The following STRA6 variants were observed in gnomAD, a reference collection of about 807,000 sequenced individuals.
STRA6 encodes receptor for retinol uptake STRA6.
Under a neutral mutation model 83.6 loss-of-function variants are expected in STRA6, and 48 were observed. The ratio of observed to expected loss-of-function variants is 0.57; its 90% CI spans 0.46 to 0.73. STRA6 has a LOEUF of 0.73. Among genes scored for constraint, STRA6 ranks in the 30% least tolerant of loss-of-function variants. The probability of loss-of-function intolerance (pLI) is 0.00; values close to 1 mark genes in which losing one functional copy is unlikely to be tolerated. For missense variants in STRA6, 760 were observed against 838.8 expected (o/e 0.91, Z 1.16); for synonymous variants, 353 against 362.3 (o/e 0.97, Z 0.29).
chr15:74,191,481 C>T lies in STRA6; in HGVS notation c.731G>A (p.Ser244Asn). 1 of 1,614,122 alleles carries T rather than the reference C, an allele frequency of 6.2e-7. No homozygotes were observed. Among genetic ancestry groups the T allele is most frequent in the Non-Finnish European group, 8.5e-7 (1 of 1,179,986 alleles). The change falls in exon 9 of 19, where the codon AGC becomes AAC. Residue 244 changes from serine to asparagine, a missense_variant. By Grantham distance (46) the Ser-to-Asn change is conservative. Transcript: ENST00000395105. Reference protein sequence around the residue: ...RTGAGSKGLQSSYSEEYLRNL... With the variant: ...RTGAGSKGLQNSYSEEYLRNL... ...CCTCAGATATTCCTCAGAGTAGCTGCTCTGCAGCCCCTGTGGAGACAGACA... is the reference window on the plus strand; with the variant it reads ...CCTCAGATATTCCTCAGAGTAGCTGTTCTGCAGCCCCTGTGGAGACAGACA...
upstream of STRA6, among the ~76,000 whole-genome samples, chr15:74,205,317 G>C (rs754490962): frequency 3.3e-5 from 5 of 152,206 alleles, no homozygotes; most frequent in Non-Finnish European, 7.3e-5. Context: ...AGTTCTGCAG[G>C]CTGTGCAGGA....
intron 7 of STRA6, chr15:74,194,620 C>T: frequency 1.6e-6 from 1 of 608,974 alleles, no homozygotes; most frequent in Non-Finnish European, 2.4e-6. Context: ...GTCATGTCTG[C>T]CCTTCTGAAG....
Position 74,185,060 on chromosome 15 carries a change from T to A in STRA6, c.1091-5A>T. 6.2e-7 allele frequency: 1 copy of A among 1,613,798 alleles called. No individual in the cohort carries two copies. The highest frequency in any genetic ancestry group is 8.5e-7 in the Non-Finnish European group (1 of 1,179,874). The stretch of plus-strand genomic sequence containing the variant: ...CCAAGGCTGAGATGTAGCACACTGG[T>A]GGGCAGAGAATGAGCAAAGTGAGAG... On this transcript the variant is annotated splice_polypyrimidine_tract_variant and splice_region_variant and intron_variant, in intron 12 of 18. Coordinates refer to ENST00000395105, the MANE Select transcript of STRA6 (RefSeq NM_022369.4).
rs749617680 is a variant in STRA6, at chr15:74,196,095, A to C, written c.319T>G (p.Phe107Val). 5 of 1,613,950 alleles carry C rather than the reference A, an allele frequency of 3.1e-6. No individual in the cohort carries two copies. The African/African-American group carries it at 6.7e-5, about 22-fold the overall frequency. The change falls in exon 5 of 19, where the codon TTC becomes GTC. Residue 107 changes from phenylalanine to valine, a missense_variant. Phe to Val is a conservative substitution (Grantham distance 50). Transcript: ENST00000395105. ...CACAGGGAGCTCAGGAGGACCATGA[A>C]AACAGCAGCAGGCACTGCCCGGGGC... ...DRPRAVPAAV[F>V]MVLLSSLCLL...
chr15:74,199,855 C>G (rs924681619), intron 2 of STRA6, among the ~76,000 whole-genome samples: 1 of 152,180 alleles, frequency 6.6e-6, no homozygotes, highest in Non-Finnish European at 1.5e-5. Flanking sequence ...ACAGGCACAG[C>G]AGGTGCTGAA....
rs886863195 is a variant in STRA6 at position 74,188,430 on chromosome 15, C to T, written c.1090+685G>A. On this transcript the variant is annotated intron_variant, in intron 12 of 18. Transcript: ENST00000395105. This position sits in a 1 kb window ranked among gnomAD's most constrained non-coding sequence, Gnocchi z 4.5. ...GTCCCAAGGTGATGGAGAAGGCCCC[C>T]GCCTAGGCTTCAGGAGCCCTGCGTT... Among the ~76,000 whole-genome samples the T allele has an allele frequency of 2.0e-5, 3 of 152,362 alleles. No homozygotes were observed. Among genetic ancestry groups the T allele is most frequent in the South Asian group, 2.1e-4 (1 of 4,830 alleles).
rs541939747 is a variant in STRA6 at position 74,188,405 on chromosome 15, G to A, written c.1090+710C>T. ...TCCTGAGTCCTCAGCACCGGGCTTT[G>A]TCCCAAGGTGATGGAGAAGGCCCCC... On this transcript the variant is annotated intron_variant, in intron 12 of 18. Transcript: ENST00000395105. This position sits in a 1 kb window ranked among gnomAD's most constrained non-coding sequence, Gnocchi z 4.5. 1.1e-4 allele frequency among the ~76,000 whole-genome samples: 17 copies of A among 152,358 alleles called. No homozygotes were observed. The highest frequency in any genetic ancestry group is 5.8e-4 in the East Asian group (3 of 5,182).
At chr15:74,180,687 C>A in intron 18 of STRA6, 95 bp downstream of exon 18, 1 of 1,501,790 alleles carries the variant, frequency 6.7e-7, no homozygotes, top group Non-Finnish European at 8.9e-7. Context: ...TGAGAATTTT[C>A]CTGGCGCTCA....
rs750864641 is a variant in STRA6, at chr15:74,180,923, G to T, written c.1699C>A (p.Arg567=). The change falls in exon 18 of 19, where the codon CGA becomes AGA. Residue 567 remains arginine, a synonymous_variant. Coordinates refer to ENST00000395105, the MANE Select transcript of STRA6 (RefSeq NM_022369.4). ...CTGACTTCAATCTTCAAGAAGTTTC[G>T]GTACGTGTAGTAGCCTGGGGTGGGG... ...ATLDPGYYTY[R]NFLKIEVSQS... is the part of the protein sequence containing the mutation. 5 of 1,613,870 alleles carry T rather than the reference G, an allele frequency of 3.1e-6. No homozygotes were observed. The highest frequency in any genetic ancestry group is 4.2e-6 in the Non-Finnish European group (5 of 1,179,958).
chr15:74,194,258 C>T (rs2073702403), intron 7 of STRA6: 1 of 921,322 alleles, frequency 1.1e-6, no homozygotes, highest in Non-Finnish European at 1.4e-6. Flanking sequence ...AGGAACAGTT[C>T]TGAAAATCAC....
chr15:74,190,071 A>G (rs1196950135), intron 11 of STRA6, among the ~76,000 whole-genome samples: 1 of 152,190 alleles, frequency 6.6e-6, no homozygotes, highest in African/African-American at 2.4e-5. Context: ...ACACCATCGT[A>G]TATCAGAAAT....
intron 12 of STRA6, 65 bp from the exon 13 acceptor site, chr15:74,185,120 A>C (rs1595830235): frequency 6.5e-7 from 1 of 1,531,230 alleles, no homozygotes; most frequent in Non-Finnish European, 9.0e-7. Context: ...AGGCCTCAGA[A>C]CCCCTGCCAG....
chr15:74,211,549 C>T (rs1032391400), upstream of STRA6, among the ~76,000 whole-genome samples: 9 of 152,070 alleles, frequency 5.9e-5, no homozygotes, highest in Non-Finnish European at 1.5e-5. Context: ...TACAGGCATG[C>T]ACCACCATGC....
upstream of STRA6, among the ~76,000 whole-genome samples, chr15:74,203,637 T>C (rs942979867): frequency 7.2e-5 from 11 of 152,382 alleles, no homozygotes; most frequent in Admixed American, 1.3e-4. Flanking sequence ...CTTAAATTTA[T>C]TGAACACACA....
intron 10 of STRA6, 125 bp downstream of exon 10, chr15:74,191,042 C>G (rs1050062021): frequency 6.4e-7 from 1 of 1,566,256 alleles, no homozygotes; most frequent in African/African-American, 1.4e-5. Flanking sequence ...CTGTCCCAAG[C>G]TGGTAGTTGT....
intron 11 of STRA6, among the ~76,000 whole-genome samples, chr15:74,189,664 TTC>T (rs1195927647): frequency 2.0e-5 from 3 of 151,454 alleles, no homozygotes; most frequent in Non-Finnish European, 2.9e-5. Context: ...GGACAACTTC[TTC>T]TTTTTTTTTT....
intron 8 of STRA6, among the ~76,000 whole-genome samples, chr15:74,192,657 C>G (rs1158599510): frequency 6.6e-6 from 1 of 152,202 alleles, no homozygotes; most frequent in Non-Finnish European, 1.5e-5. Context: ...CTGGCACCAC[C>G]ACCTACCTGC....
chr15:74,196,279 C>T (rs1801495059), intron 4 of STRA6, 132 bp from the exon 5 acceptor site: 1 of 1,331,582 alleles, frequency 7.5e-7, no homozygotes, highest in Non-Finnish European at 1.0e-6. Context: ...AAGGCCCCTT[C>T]ATTCATTCAT....
intron 13 of STRA6, 67 bp from the exon 14 acceptor site, chr15:74,184,056 G>T: frequency 6.3e-7 from 1 of 1,598,208 alleles, no homozygotes; most frequent in South Asian, 1.1e-5. Context: ...CCTCCTCTGG[G>T]CCAGCAACTG....
Sources: allele counts gnomAD v4.1 joint callset (sites outside exome capture counted in the v4.1 genomes callset), GRCh38; gene constraint gnomAD v4.1.1; non-coding constraint Gnocchi (gnomAD v3.1); transcripts MANE v1.5; gene names NCBI Gene and HGNC (gene_info 2026-07-23, HGNC 2026-07-21).